The following VTA1 variants were observed in gnomAD, a reference collection of about 807,000 sequenced individuals.
VTA1 encodes the protein vesicle trafficking 1.
VTA1 carries 24 observed loss-of-function variants against 36.9 expected under a neutral mutation model. The observed-to-expected ratio is 0.65, with a 90% CI of 0.47 to 0.91. The LOEUF is 0.91. Ranked by LOEUF, VTA1 falls within the 40% of genes least tolerant of loss-of-function variation. The pLI is 0.00. For synonymous variants in VTA1, 142 were observed against 130.2 expected, an observed-to-expected ratio of 1.09 and a Z score of -0.62; for missense variants, 393 against 377.2, an observed-to-expected ratio of 1.04 and a Z score of -0.35.
chr6:142,148,044 TA>T (rs1048237387), intron 1 of VTA1, among the ~76,000 whole-genome samples: 19 of 152,038 alleles, frequency 1.2e-4, no homozygotes, highest in Middle Eastern at 3.4e-3. Flanking sequence ...ACAGTTTGAT[TA>T]AAAAAAATAT....
At chr6:142,150,465 A>G (rs563758088) in intron 1 of VTA1, among the ~76,000 whole-genome samples, 38 of 152,294 alleles carry the variant, frequency 2.5e-4, no homozygotes, top group African/African-American at 8.7e-4. Context: ...CCTGTTCACA[A>G]TTGTCCTTCT....
At chr6:142,214,347 T>A (rs905652574) in intron 7 of VTA1, among the ~76,000 whole-genome samples, 3 of 152,166 alleles carry the variant, frequency 2.0e-5, no homozygotes, top group African/African-American at 7.2e-5. Flanking sequence ...TCCATATCAT[T>A]ATCAGCATTT....
chr6:142,183,908 A>G (rs1775293296), intron 4 of VTA1, among the ~76,000 whole-genome samples: 2 of 152,192 alleles, frequency 1.3e-5, no homozygotes, highest in South Asian at 4.1e-4. Flanking sequence ...TAAATTTCAC[A>G]TACTAATGCA....
chr6:142,187,411 T>C (rs1775360249), intron 4 of VTA1, among the ~76,000 whole-genome samples: 1 of 152,182 alleles, frequency 6.6e-6, no homozygotes, highest in African/African-American at 2.4e-5. Flanking sequence ...GCAGTTGATA[T>C]TAGCAAGAGC....
At chr6:142,210,049 T>C (rs1240687282) in intron 7 of VTA1, among the ~76,000 whole-genome samples, 4 of 152,192 alleles carry the variant, frequency 2.6e-5, no homozygotes, top group Non-Finnish European at 4.4e-5. Flanking sequence ...AACAACATGG[T>C]ACTGGCATAA....
At chr6:142,148,261 C>T (rs948208031) in intron 1 of VTA1, among the ~76,000 whole-genome samples, 2 of 152,150 alleles carry the variant, frequency 1.3e-5, no homozygotes, top group Admixed American at 1.3e-4. Flanking sequence ...AAAATCTGGT[C>T]ACTGTTATCT....
rs1253946794 is a variant in VTA1 at position 142,220,440 on chromosome 6, G to A, written c.*1797G>A. 6.6e-6 allele frequency: 1 copy of A among 152,170 alleles called. No homozygotes were observed. Among genetic ancestry groups the A allele is most frequent in the African/African-American group, 2.4e-5 (1 of 41,438 alleles). The allele number at this position is 152,170 out of a possible 1,614,324, so 9.4% of individuals were successfully genotyped here. ...ATAGAAACTACGGAGTCCGCTGGTA[G>A]TGGGCTGCATGGTGTGACAGAGCCC... On this transcript the variant is annotated 3_prime_UTR_variant, in exon 8 of 8. Coordinates refer to ENST00000367630, the MANE Select transcript of VTA1 (RefSeq NM_016485.5).
chr6:142,177,267 T>C (rs1392097778), intron 4 of VTA1, among the ~76,000 whole-genome samples: 1 of 152,238 alleles, frequency 6.6e-6, no homozygotes. Flanking sequence ...AAATATTTTT[T>C]CATACAGTAT....
At chr6:142,162,041 T>C (rs1774819103) in intron 1 of VTA1, among the ~76,000 whole-genome samples, 1 of 152,190 alleles carries the variant, frequency 6.6e-6, no homozygotes, top group Admixed American at 6.5e-5. Context: ...TTGCAAAGAC[T>C]ACATATGCAC....
At chr6:142,152,258 A>C (rs1263151594) in intron 1 of VTA1, among the ~76,000 whole-genome samples, 1 of 152,198 alleles carries the variant, frequency 6.6e-6, no homozygotes, top group East Asian at 1.9e-4. Flanking sequence ...GAATTGAGAA[A>C]ATGAGTAATG....
intron 7 of VTA1, among the ~76,000 whole-genome samples, chr6:142,218,285 T>C (rs1427308903): frequency 6.6e-6 from 1 of 152,188 alleles, no homozygotes; most frequent in East Asian, 1.9e-4. Context: ...ATCTAAGTTA[T>C]TATGTATTGC....
chr6:142,156,244 A>G (rs1270388103), intron 1 of VTA1, among the ~76,000 whole-genome samples: 2 of 152,172 alleles, frequency 1.3e-5, no homozygotes, highest in Admixed American at 1.3e-4. Context: ...GGTTGAATGA[A>G]AAATTGTTGG....
At chr6:142,171,310 G>C (rs1043979392) in intron 4 of VTA1, among the ~76,000 whole-genome samples, 7 of 151,938 alleles carry the variant, frequency 4.6e-5, no homozygotes, top group Non-Finnish European at 7.4e-5. Flanking sequence ...GGTCAGGCTG[G>C]TTTTGAACTC....
At chr6:142,206,953 T>A (rs180732965) in intron 7 of VTA1, among the ~76,000 whole-genome samples, 1 of 152,160 alleles carries the variant, frequency 6.6e-6, no homozygotes, top group African/African-American at 2.4e-5. Context: ...TCAAAATGGT[T>A]CTGATGCCTA....
At chr6:142,177,753 G>C (rs1242038070) in intron 4 of VTA1, among the ~76,000 whole-genome samples, 1 of 152,098 alleles carries the variant, frequency 6.6e-6, no homozygotes, top group Non-Finnish European at 1.5e-5. Context: ...CCTGTAACCT[G>C]AGTCTGAAGC....
intron 2 of VTA1, 107 bp downstream of exon 2, chr6:142,166,429 A>T (rs1774916319): frequency 1.3e-6 from 1 of 769,786 alleles, no homozygotes; most frequent in South Asian, 2.0e-5. Flanking sequence ...CAACAATCAA[A>T]CAAAGCCATT....
Position 142,218,729 on chromosome 6 carries a change from T to C in VTA1, c.*86T>C. 6.9e-7 allele frequency: 1 copy of C among 1,444,748 alleles called. No homozygotes were observed. The highest frequency in any genetic ancestry group is 1.4e-5 in the South Asian group (1 of 69,310). 89.5% of individuals were successfully genotyped at this position (1,444,748 alleles called of 1,614,324 possible). On this transcript the variant is annotated 3_prime_UTR_variant, in exon 8 of 8. Transcript: ENST00000367630. ...TCTTCAGCCTATCAGGATCACAGTT[T>C]TAAGGAAGACTTGGTTTTGTTGAAT...
intron 1 of VTA1, 88 bp from the exon 2 acceptor site, chr6:142,166,136 TTTAA>T (rs1774908558): frequency 1.2e-6 from 1 of 815,862 alleles, no homozygotes; most frequent in East Asian, 3.0e-5. Flanking sequence ...TACTTGAATT[TTTAA>T]TTATTTATTA....
intron 5 of VTA1, among the ~76,000 whole-genome samples, chr6:142,192,414 C>T (rs1775472169): frequency 6.6e-6 from 1 of 151,844 alleles, no homozygotes; most frequent in South Asian, 2.1e-4. Context: ...GATGTAACAC[C>T]ATCGTATGTT....
Sources: gnomAD v4.1 joint callset for allele counts (sites outside exome capture counted in the v4.1 genomes callset) on GRCh38, gnomAD v4.1.1 for gene constraint, MANE v1.5 for transcripts, NCBI Gene and HGNC (gene_info 2026-07-23, HGNC 2026-07-21) for gene names.